SFI1: variants seen among roughly 807,000 people sequenced by gnomAD.
The protein encoded by SFI1 is SFI1 centrin binding protein, also known as protein SFI1 homolog.
A neutral mutation model predicts 207.5 loss-of-function variants in SFI1; 195 were observed. The ratio of observed to expected loss-of-function variants is 0.94; its 90% CI spans 0.84 to 1.06. SFI1 has a LOEUF of 1.06. SFI1 is among the 50% of genes least tolerant of loss of function. SFI1 has a pLI of 0.00. For missense variants in SFI1, 1,634 were observed against 1,588.0 expected (o/e 1.03, Z -0.49); for synonymous variants, 630 against 598.9 (o/e 1.05, Z -0.76).
chr22:31,578,954 T>A (rs143316031), intron 11 of SFI1, among the ~76,000 whole-genome samples: 1 of 152,264 alleles, frequency 6.6e-6, no homozygotes, highest in African/African-American at 2.4e-5. Flanking sequence ...CATGGGGAAG[T>A]ATGGGCAAAT....
Position 31,613,162 on chromosome 22 carries a change from G to T in SFI1, c.2511G>T (p.Glu837Asp). The T allele has an allele frequency of 1.2e-6, 2 of 1,613,686 alleles. No homozygotes were observed. The highest frequency in any genetic ancestry group is 1.7e-5 in the Admixed American group (1 of 60,020). ...CCTAGCTGGCAGCCAGGAGGCAGGA[G>T]CAGCGGGCGACAGTGCGGGCCCTGT... ...WRQQLAARRQ[E>D]QRATVRALWF... The change falls in exon 25 of 33, where the codon GAG becomes GAT. Residue 837 changes from glutamate (E) to aspartate (D), a missense_variant. Transcript: ENST00000400288.
chr22:31,615,538 T>G (rs1159195638), intron 29 of SFI1: 1 of 390,302 alleles, frequency 2.6e-6, no homozygotes, highest in East Asian at 3.8e-5. Flanking sequence ...TGCAGGCCAG[T>G]AAAGTGGCTG....
intron 5 of SFI1, among the ~76,000 whole-genome samples, chr22:31,549,766 T>C (rs1258761329): frequency 6.6e-6 from 1 of 152,086 alleles, no homozygotes; most frequent in Non-Finnish European, 1.5e-5. Context: ...ATGACTCTTC[T>C]TCAAAGAGAA....
intron 4 of SFI1, among the ~76,000 whole-genome samples, chr22:31,544,900 G>A (rs1268010107): frequency 2.0e-5 from 3 of 152,098 alleles, no homozygotes; most frequent in South Asian, 4.2e-4. Context: ...CTCTTTTTAA[G>A]TTTTTTTGAT....
intron 2 of SFI1, among the ~76,000 whole-genome samples, chr22:31,515,964 G>A (rs903458170): frequency 4.0e-5 from 6 of 151,336 alleles, no homozygotes; most frequent in African/African-American, 1.5e-4. Context: ...TCTTGAACTC[G>A]TGATCCACCT....
intron 3 of SFI1, among the ~76,000 whole-genome samples, chr22:31,529,966 C>G (rs984460813): frequency 2.0e-5 from 3 of 150,112 alleles, no homozygotes; most frequent in Non-Finnish European, 4.4e-5. Context: ...GTCAGGAGAT[C>G]GAGACCATCC....
chr22:31,602,295 T>C lies in SFI1; in HGVS notation c.1626+2T>C. ...GAAAACCGCCTGGCAGAGAGAATGG[T>C]AAATGGCTGTCCCTGAGGAGATGTG... On this transcript the variant is annotated splice_donor_variant, in intron 16 of 32. Coordinates refer to ENST00000400288, the MANE Select transcript of SFI1 (RefSeq NM_001007467.3). LOFTEE classifies it high-confidence loss of function. 1 of 1,613,306 alleles carries C rather than the reference T, an allele frequency of 6.2e-7. No individual in the cohort carries two copies. Among genetic ancestry groups the C allele is most frequent in the South Asian group, 1.1e-5 (1 of 91,056 alleles).
At chr22:31,580,804 A>G (rs1364999814) in intron 12 of SFI1, among the ~76,000 whole-genome samples, 1 of 151,738 alleles carries the variant, frequency 6.6e-6, no homozygotes, top group Admixed American at 6.6e-5. Flanking sequence ...CAGCCTCCCA[A>G]AGTGCTGGGA....
At chr22:31,614,886 A>C in intron 28 of SFI1, 26 bp downstream of exon 28, 2 of 1,611,398 alleles carry the variant, frequency 1.2e-6, no homozygotes, top group Non-Finnish European at 1.7e-6. Flanking sequence ...CACCGTGGGC[A>C]GGCAGGGGGA....
chr22:31,540,583 ATT>A (rs755660066), intron 4 of SFI1, among the ~76,000 whole-genome samples: 5 of 132,274 alleles, frequency 3.8e-5, no homozygotes, highest in Admixed American at 7.8e-5. Flanking sequence ...CCCAGCCTAC[ATT>A]TTTTTTTTTT....
At chr22:31,536,121 C>T (rs5753681) in intron 4 of SFI1, among the ~76,000 whole-genome samples, 12,214 of 152,084 alleles carry the variant, frequency 0.08, 855 homozygotes, top group East Asian at 0.37. Context: ...GTGGCTGTTT[C>T]TCCTCCATAT....
chr22:31,598,124 C>T (rs945460349), intron 15 of SFI1, among the ~76,000 whole-genome samples: 1 of 151,242 alleles, frequency 6.6e-6, no homozygotes, highest in Non-Finnish European at 1.5e-5. Context: ...ACTACAGGTG[C>T]CCACCACCAC....
chr22:31,534,360 CCTTT>C (rs1383842267), intron 4 of SFI1, among the ~76,000 whole-genome samples: 1 of 152,148 alleles, frequency 6.6e-6, no homozygotes, highest in African/African-American at 2.4e-5. Context: ...ACTTACCCTT[CCTTT>C]TTCATTTGTT....
intron 2 of SFI1, among the ~76,000 whole-genome samples, chr22:31,518,613 G>A (rs117355264): frequency 1.1e-4 from 17 of 151,842 alleles, no homozygotes; most frequent in East Asian, 5.8e-4. Context: ...TATGTTTGTC[G>A]TCCCTTTGTG....
chr22:31,524,942 A>ACC (rs1434283385), intron 2 of SFI1, among the ~76,000 whole-genome samples: 1 of 151,862 alleles, frequency 6.6e-6, no homozygotes, highest in Non-Finnish European at 1.5e-5. Flanking sequence ...TTACAGGTGC[A>ACC]TGCCACCACG....
chr22:31,558,103 T>C (rs536123432), intron 7 of SFI1, among the ~76,000 whole-genome samples: 1 of 152,338 alleles, frequency 6.6e-6, no homozygotes, highest in South Asian at 2.1e-4. Context: ...TCTCTTCAGC[T>C]CTTATTTTCC....
intron 20 of SFI1, 110 bp from the exon 21 acceptor site, chr22:31,606,218 G>A (rs1440105507): frequency 3.2e-6 from 3 of 923,638 alleles, no homozygotes; most frequent in Non-Finnish European, 5.1e-6. Flanking sequence ...ATTCTTAGGT[G>A]TAGAGTCCCT....
chr22:31,516,286 G>A (rs2056487737), intron 2 of SFI1, among the ~76,000 whole-genome samples: 1 of 152,030 alleles, frequency 6.6e-6, no homozygotes, highest in Non-Finnish European at 1.5e-5. Context: ...GCCAAGGAGG[G>A]TGGATCACTT....
At chr22:31,550,213 T>C in intron 5 of SFI1, 41 bp from the exon 6 acceptor site, 1 of 1,563,926 alleles carries the variant, frequency 6.4e-7, no homozygotes, top group Non-Finnish European at 8.8e-7. Flanking sequence ...GCCCGGCCTG[T>C]TATTTTGAAG....
Sources: gnomAD v4.1 joint callset for allele counts (sites outside exome capture counted in the v4.1 genomes callset) on GRCh38, gnomAD v4.1.1 for gene constraint, MANE v1.5 for transcripts, NCBI Gene and HGNC (gene_info 2026-07-23, HGNC 2026-07-21) for gene names.